The following MISP variants were observed in gnomAD, a reference collection of about 807,000 sequenced individuals.
The protein encoded by MISP is mitotic interactor and substrate of PLK1.
In MISP, 51 loss-of-function variants were observed where a neutral mutation model predicts 49.3. The observed-to-expected ratio is 1.03, with a 90% CI of 0.83 to 1.31. MISP has a LOEUF of 1.31. Ranked by LOEUF, MISP falls within the 50% of genes most tolerant of loss-of-function variation. The pLI, the probability that MISP is intolerant of heterozygous loss-of-function variation, is 0.00. For missense variants in MISP, 1,084 were observed against 935.1 expected, an observed-to-expected ratio of 1.16 and a Z score of -2.08; for synonymous variants, 444 against 392.6, an observed-to-expected ratio of 1.13 and a Z score of -1.55.
At chr19:758,835 G>A (rs977229766) in intron 2 of MISP, 109 bp downstream of exon 2, 2 of 836,924 alleles carry the variant, frequency 2.4e-6, no homozygotes, top group African/African-American at 1.7e-5. Flanking sequence ...GGGTTGGGGA[G>A]ACATTGCCTC....
rs1175736471 is a variant in MISP at position 757,695 on chromosome 19, A to G, written c.749A>G (p.Gln250Arg). Residue 250 changes from glutamine (Q) to arginine (R), a missense_variant, in exon 2 of 5, where the codon CAG becomes CGG. Physicochemically the swap from Gln to Arg is conservative, Grantham distance 43. Transcript: ENST00000215582. Reference sequence around the variant, plus strand: ...GGGCACGTGGTTCCCATCAAGCCCCAGGTGAAGGGGGTGGTCAGGGAAGAG... The same window carrying G: ...GGGCACGTGGTTCCCATCAAGCCCCGGGTGAAGGGGGTGGTCAGGGAAGAG... ...ANGHVVPIKP[Q>R]VKGVVREENK... 1.2e-6 allele frequency: 2 copies of G among 1,613,842 alleles called. No individual in the cohort carries two copies. The highest frequency in any genetic ancestry group is 3.3e-5 in the Admixed American group (2 of 60,022).
rs2033623681 is a variant in MISP, at chr19:758,731, G to T, written c.1780+5G>T. On this transcript the variant is annotated splice_donor_5th_base_variant and intron_variant, in intron 2 of 4. Coordinates refer to ENST00000215582, the MANE Select transcript of MISP (RefSeq NM_173481.4). Reference sequence around the variant, plus strand: ...GGAGCTCCTCCCAGGCATCCGGTGAGAAGGGGCTCCAGGGAGTGGCTGCTT... The same window carrying T: ...GGAGCTCCTCCCAGGCATCCGGTGATAAGGGGCTCCAGGGAGTGGCTGCTT... 2 of 1,608,918 alleles carry T rather than the reference G, an allele frequency of 1.2e-6. No homozygotes were observed. The highest frequency in any genetic ancestry group is 2.2e-5 in the South Asian group (2 of 90,416).
Position 757,909 on chromosome 19 carries a change from G to A in MISP, c.963G>A (p.Glu321=), listed in dbSNP as rs745657262. The change falls in exon 2 of 5, where the codon GAG becomes GAA. Residue 321 remains glutamate (E), a synonymous_variant. Transcript: ENST00000215582. ...RGLRQATDHQ[E]LVEIPTRPLL... is the part of the protein sequence containing the mutation. ...TTCGGCAGGCAACCGACCACCAGGA[G>A]CTGGTGGAAATCCCCACCAGGCCGC... 1.2e-5 allele frequency: 19 copies of A among 1,603,696 alleles called. No individual in the cohort carries two copies. The African/African-American group carries it at 2.1e-4, about 18-fold the overall frequency.
rs1206275667 is a variant in MISP at position 757,283 on chromosome 19, C to G, written c.337C>G (p.Pro113Ala). The G allele has an allele frequency of 6.2e-7, 1 of 1,614,010 alleles. No individual in the cohort carries two copies. The highest frequency in any genetic ancestry group is 1.3e-5 in the African/African-American group (1 of 75,052). Residue 113 changes from proline to alanine, a missense_variant, in exon 2 of 5, where the codon CCA (proline) becomes GCA (alanine). Transcript: ENST00000215582. ...GGGACGTCCAACATGGGCACTCCGC[C>G]CAGAGGACGGGGAGGACAAGGAGAT... ...HQGRPTWALRPEDGEDKEMKT... is the reference protein window; with the variant it reads ...HQGRPTWALRAEDGEDKEMKT...
intron 3 of MISP, among the ~76,000 whole-genome samples, chr19:761,078 T>A (rs1029702407): frequency 2.0e-5 from 3 of 146,932 alleles, no homozygotes; most frequent in African/African-American, 7.5e-5. Context: ...ATGAGGAATA[T>A]TATGTCCTTT....
chr19:759,690 G>A (rs771851673), intron 2 of MISP, among the ~76,000 whole-genome samples: 10 of 152,098 alleles, frequency 6.6e-5, no homozygotes, highest in Admixed American at 1.3e-4. Flanking sequence ...GTGAGCCACC[G>A]CGCCCGGCCA....
chr19:755,590 T>A (rs1456080232), intron 1 of MISP, among the ~76,000 whole-genome samples: 1 of 152,136 alleles, frequency 6.6e-6, no homozygotes, highest in Non-Finnish European at 1.5e-5. Flanking sequence ...AAAGGCTCAG[T>A]GCACAGGAGA....
chr19:752,639 T>G (rs1183032584), intron 1 of MISP, among the ~76,000 whole-genome samples: 1 of 151,978 alleles, frequency 6.6e-6, no homozygotes, highest in Non-Finnish European at 1.5e-5. Flanking sequence ...CTTCAGTGAA[T>G]CACTGGGGAG....
rs554334151 is a variant in MISP, at chr19:763,930, G to A, written c.*340G>A. On this transcript the variant is annotated 3_prime_UTR_variant, in exon 5 of 5. Coordinates refer to ENST00000215582, the MANE Select transcript of MISP (RefSeq NM_173481.4). ...CCACTTTCAGGTGTAATTTGCTTCC[G>A]CTAGTCTGAGGGCAGAGGGACCGGT... 32 of 276,374 alleles carry A rather than the reference G, an allele frequency of 1.2e-4. No homozygotes were observed. Among genetic ancestry groups the A allele is most frequent in the Admixed American group, 3.8e-4 (8 of 21,022 alleles). The allele number at this position is 276,374 out of a possible 1,614,324, so 17.1% of individuals were successfully genotyped here.
At chr19:752,340 A>G (rs2033472793) in intron 1 of MISP, among the ~76,000 whole-genome samples, 1 of 152,122 alleles carries the variant, frequency 6.6e-6, no homozygotes, top group Admixed American at 6.5e-5. Flanking sequence ...TTTGGCCGAC[A>G]CAGTGAAACC....
intron 3 of MISP, chr19:760,526 C>T (rs150238669): frequency 0.062 from 9,565 of 154,236 alleles, 317 homozygotes; most frequent in Middle Eastern, 0.099. Context: ...CCACCACGCC[C>T]GGCTAATTTT....
At chr19:758,748 T>G (rs1004392626) in intron 2 of MISP, 22 bp downstream of exon 2, 1 of 1,590,806 alleles carries the variant, frequency 6.3e-7, no homozygotes, top group Admixed American at 1.7e-5. Flanking sequence ...CTCCAGGGAG[T>G]GGCTGCTTGG....
intron 2 of MISP, 129 bp from the exon 3 acceptor site, chr19:759,779 CA>C (rs1568244570): frequency 1.9e-6 from 2 of 1,050,976 alleles, no homozygotes. Context: ...GTCAATCTGT[CA>C]GTTTCCCGGA....
chr19:754,000 T>C (rs2033503968), intron 1 of MISP, among the ~76,000 whole-genome samples: 1 of 152,112 alleles, frequency 6.6e-6, no homozygotes, highest in African/African-American at 2.4e-5. Flanking sequence ...TGTCTTCAGG[T>C]GAGGCTTCCT....
At chr19:763,333 A>G (rs1437233820) in intron 4 of MISP, among the ~76,000 whole-genome samples, 168 bp from the exon 5 acceptor site, 1 of 152,170 alleles carries the variant, frequency 6.6e-6, no homozygotes, top group East Asian at 1.9e-4. Context: ...GCTCAGCATG[A>G]GTTAGCATAT....
Position 763,952 on chromosome 19 carries a change from C to G in MISP, c.*362C>G. On this transcript the variant is annotated 3_prime_UTR_variant, in exon 5 of 5. Coordinates refer to ENST00000215582, the MANE Select transcript of MISP (RefSeq NM_173481.4). ...TCCGCTAGTCTGAGGGCAGAGGGAC[C>G]GGTCAAAGAGGGTGGCACAGATCGC... The G allele has an allele frequency of 4.2e-6, 1 of 239,766 alleles. No individual in the cohort carries two copies. Among genetic ancestry groups the G allele is most frequent in the Non-Finnish European group, 8.3e-6 (1 of 120,102 alleles). 14.9% of individuals were successfully genotyped at this position (239,766 alleles called of 1,614,324 possible).
In MISP at chr19:757,198, G is replaced by A. The variant is rs748117878; in HGVS notation, c.252G>A (p.Ser84=). 28 of 1,613,472 alleles carry A rather than the reference G, an allele frequency of 1.7e-5. No individual in the cohort carries two copies. In the Admixed American group the frequency reaches 2.3e-4, roughly 13 times the overall value. ...TGQPSPRGLH[S]ENREDEGWQV... ...AGCCGTCCCCACGGGGGCTCCACTC[G>A]GAGAACAGGGAGGATGAGGGTTGGC... Residue 84 remains serine, a synonymous_variant, in exon 2 of 5, where the codon TCG becomes TCA. Transcript: ENST00000215582.
intron 4 of MISP, among the ~76,000 whole-genome samples, chr19:762,635 G>C (rs1736641869): frequency 6.6e-6 from 1 of 151,880 alleles, no homozygotes; most frequent in Admixed American, 6.6e-5. Context: ...CACGTGTGTG[G>C]CCCTCCTTTT....
chr19:758,202 G>A lies in MISP; in HGVS notation c.1256G>A (p.Arg419His), dbSNP rs146101439. The change falls in exon 2 of 5, where the codon CGC becomes CAC. Residue 419 changes from arginine (R) to histidine (H), a missense_variant. Arg to His is a conservative substitution (Grantham distance 29). Coordinates refer to ENST00000215582, the MANE Select transcript of MISP (RefSeq NM_173481.4). The stretch of plus-strand genomic sequence containing the variant: ...GCTCCAGAAGTGAGGAAGGTGAACC[G>A]CATCCCACCTGATGCCTACCAGCCG... The part of the protein sequence containing the change: ...DPAPEVRKVN[R>H]IPPDAYQPYL... 2.4e-5 allele frequency: 39 copies of A among 1,612,582 alleles called. No homozygotes were observed. Among genetic ancestry groups the A allele is most frequent in the Non-Finnish European group, 2.8e-5 (33 of 1,179,818 alleles).
Sources: allele counts gnomAD v4.1 joint callset (sites outside exome capture counted in the v4.1 genomes callset), GRCh38; gene constraint gnomAD v4.1.1; transcripts MANE v1.5; gene names NCBI Gene and HGNC (gene_info 2026-07-23, HGNC 2026-07-21).